The following AGBL4 variants were observed in gnomAD, a reference collection of about 807,000 sequenced individuals.
AGBL4 encodes cytosolic carboxypeptidase 6.
A neutral mutation model predicts 66.4 loss-of-function variants in AGBL4; 58 were observed. The ratio of observed to expected loss-of-function variants is 0.87; its 90% confidence interval spans 0.71 to 1.09. The LOEUF is 1.09. AGBL4 is among the 50% of genes least tolerant of loss of function. The pLI, the probability that AGBL4 is intolerant of heterozygous loss-of-function variation, is 0.00. For missense variants in AGBL4, 579 were observed against 631.0 expected, an observed-to-expected ratio of 0.92 and a Z score of 0.88; for synonymous variants, 234 against 222.9, an observed-to-expected ratio of 1.05 and a Z score of -0.44.
chr1:48,776,884 G>T, intron 6 of AGBL4: 1 of 1,263,392 alleles, frequency 7.9e-7, no homozygotes, highest in Non-Finnish European at 1.1e-6. Context: ...CGGGGCGGGC[G>T]CGGAGGTGGG....
intron 6 of AGBL4, among the ~76,000 whole-genome samples, chr1:48,850,826 C>T (rs1647016785): frequency 6.6e-6 from 1 of 152,230 alleles, no homozygotes; most frequent in South Asian, 2.1e-4. Flanking sequence ...GATGAACCAG[C>T]ATCCGTGATT....
At chr1:48,761,168 A>G (rs952809331) in intron 6 of AGBL4, 7 of 733,370 alleles carry the variant, frequency 9.5e-6, no homozygotes, top group Non-Finnish European at 1.5e-5. Flanking sequence ...GTTGGCCAGC[A>G]AGGCAAATAC....
In AGBL4 at chr1:49,266,530, C is replaced by T. The variant is rs574974602; in HGVS notation, c.283-20666G>A. ...TTATTAAATAAACAGTTATGGGTTTCCTACTCTGCTATGTGCTGAGATTAT... is the reference window on the plus strand; with the variant it reads ...TTATTAAATAAACAGTTATGGGTTTTCTACTCTGCTATGTGCTGAGATTAT... On this transcript the variant is annotated intron_variant, in intron 3 of 13. Coordinates refer to ENST00000371839, the MANE Select transcript of AGBL4 (RefSeq NM_032785.4). Among the ~76,000 whole-genome samples, 98 of 152,110 alleles carry T rather than the reference C, an allele frequency of 6.4e-4. 2 individuals carry two copies. Among genetic ancestry groups the T allele is most frequent in the Admixed American group, 2.0e-3 (30 of 15,268 alleles).
chr1:49,662,201 A>AAT (rs1324202261), intron 3 of AGBL4, among the ~76,000 whole-genome samples: 132 of 150,720 alleles, frequency 8.8e-4, no homozygotes, highest in Admixed American at 1.8e-3. Context: ...AGTCTCACAG[A>AAT]ATATATATAT....
intron 6 of AGBL4, among the ~76,000 whole-genome samples, chr1:48,682,706 C>T (rs953507599): frequency 1.3e-5 from 2 of 152,168 alleles, no homozygotes; most frequent in Middle Eastern, 3.2e-3. Flanking sequence ...ATAGGGAAAT[C>T]TCAGAGGAGA....
intron 6 of AGBL4, among the ~76,000 whole-genome samples, chr1:48,677,620 T>C (rs960847217): frequency 2.6e-5 from 4 of 152,068 alleles, no homozygotes; most frequent in African/African-American, 9.7e-5. Context: ...CTGGCCCCAG[T>C]CCACATGATG....
At chr1:48,913,684 T>C (rs1190921945) in intron 5 of AGBL4, among the ~76,000 whole-genome samples, 1 of 152,196 alleles carries the variant, frequency 6.6e-6, no homozygotes, top group East Asian at 1.9e-4. Context: ...ATTATTATGG[T>C]AAGTTGTATA....
At chr1:49,898,893 T>C (rs542139542) in intron 1 of AGBL4, among the ~76,000 whole-genome samples, 11 of 152,250 alleles carry the variant, frequency 7.2e-5, no homozygotes, top group Admixed American at 3.9e-4. Flanking sequence ...TACATTCTCA[T>C]TTTTTGTGTG....
At chr1:48,787,149 C>T (rs1031846404) in intron 6 of AGBL4, among the ~76,000 whole-genome samples, 6 of 152,192 alleles carry the variant, frequency 3.9e-5, no homozygotes, top group African/African-American at 1.4e-4. Context: ...GGCCATGTGA[C>T]TCTAGAGCCC....
At chr1:49,083,392 G>A (rs1275379097) in intron 4 of AGBL4, among the ~76,000 whole-genome samples, 1 of 152,206 alleles carries the variant, frequency 6.6e-6, no homozygotes, top group African/African-American at 2.4e-5. Context: ...TCTAGATGGA[G>A]GTTCCCAAAC....
intron 11 of AGBL4, among the ~76,000 whole-genome samples, chr1:48,566,799 G>C (rs549027367): frequency 1.4e-4 from 22 of 152,252 alleles, no homozygotes; most frequent in African/African-American, 5.3e-4. Context: ...CTCTTCCCTG[G>C]TCTCCAGGCT....
At chr1:49,513,572 T>C (rs925376937) in intron 3 of AGBL4, among the ~76,000 whole-genome samples, 9 of 151,984 alleles carry the variant, frequency 5.9e-5, no homozygotes, top group Non-Finnish European at 8.8e-5. Flanking sequence ...CCATTCATGT[T>C]GCTTCAAAGG....
chr1:49,029,955 T>C (rs949511553), intron 5 of AGBL4, among the ~76,000 whole-genome samples: 1 of 152,178 alleles, frequency 6.6e-6, no homozygotes, highest in Non-Finnish European at 1.5e-5. Context: ...TAAATAGTTA[T>C]GGGACAGGCA....
intron 3 of AGBL4, among the ~76,000 whole-genome samples, chr1:49,393,356 G>A (rs1644889268): frequency 6.6e-6 from 1 of 152,128 alleles, no homozygotes. Context: ...TCAAGGTCTG[G>A]AGAGGCTGGA....
At chr1:49,191,379 TAGTC>T (rs1240692065) in intron 4 of AGBL4, among the ~76,000 whole-genome samples, 1 of 152,232 alleles carries the variant, frequency 6.6e-6, no homozygotes, top group Non-Finnish European at 1.5e-5. Flanking sequence ...AAGTTTGTCT[TAGTC>T]AGTTTAGTAT....
intron 6 of AGBL4, among the ~76,000 whole-genome samples, chr1:48,677,881 G>T (rs6687911): frequency 0.069 from 10,476 of 152,268 alleles, 945 homozygotes; most frequent in African/African-American, 0.21. Context: ...GATACCTCCG[G>T]ATTTCTGGAA....
At chr1:49,834,716 T>A (rs1645799581) in intron 2 of AGBL4, among the ~76,000 whole-genome samples, 1 of 152,218 alleles carries the variant, frequency 6.6e-6, no homozygotes. Context: ...TTTAGTGGTA[T>A]AAATTTCCCT....
chr1:48,685,211 T>C (rs1188442178), intron 6 of AGBL4, among the ~76,000 whole-genome samples: 3 of 152,258 alleles, frequency 2.0e-5, no homozygotes, highest in Non-Finnish European at 4.4e-5. Context: ...CCTTGACTTC[T>C]ATATAAAATC....
At chr1:49,341,776 GCCACCTGAA>G (rs1645543646) in intron 3 of AGBL4, among the ~76,000 whole-genome samples, 1 of 152,144 alleles carries the variant, frequency 6.6e-6, no homozygotes, top group African/African-American at 2.4e-5. Flanking sequence ...CTGACAAGAA[GCCACCTGAA>G]CTTCGGATTC....
Sources: gnomAD v4.1 joint callset for allele counts (sites outside exome capture counted in the v4.1 genomes callset) on GRCh38, gnomAD v4.1.1 for gene constraint, MANE v1.5 for transcripts, NCBI Gene and HGNC (gene_info 2026-07-23, HGNC 2026-07-21) for gene names.